Variants in RUVBL2 observed in about 807,000 individuals in gnomAD.
The protein encoded by RUVBL2 is ruvB-like 2.
RUVBL2 carries 9 observed loss-of-function variants against 57.9 expected under a neutral mutation model. That is an observed-to-expected ratio of 0.16 (90% CI 0.09 to 0.27). The LOEUF (loss-of-function observed/expected upper bound fraction) is 0.27. Among genes scored for constraint, RUVBL2 ranks in the 10% least tolerant of loss-of-function variants. The pLI, the probability that RUVBL2 is intolerant of heterozygous loss-of-function variation, is 1.00. For missense variants in RUVBL2, 456 were observed against 669.6 expected, an observed-to-expected ratio of 0.68 and a Z score of 3.52; for synonymous variants, 278 against 264.6, an observed-to-expected ratio of 1.05 and a Z score of -0.49.
chr19:48,993,933 G>C lies in RUVBL2; in HGVS notation c.12+10G>C. ...CATCATGGCAACCGTTGTAAGTGTG[G>C]GTGCATGGAGGGTGAGGAGCGAGCT... On this transcript the variant is annotated intron_variant, in intron 1 of 14. Coordinates refer to ENST00000595090, the MANE Select transcript of RUVBL2 (RefSeq NM_006666.3). 1 of 1,614,082 alleles carries C rather than the reference G, an allele frequency of 6.2e-7. No individual in the cohort carries two copies. Among genetic ancestry groups the C allele is most frequent in the Non-Finnish European group, 8.5e-7 (1 of 1,179,990 alleles).
At position 49,011,085 on chromosome 19, in the gene RUVBL2, A is replaced by G; in HGVS notation, c.874A>G (p.Ile292Val). Residue 292 changes from isoleucine (I) to valine (V), a missense_variant, in exon 10 of 15, where the codon ATC (isoleucine) becomes GTC (valine). By Grantham distance (29) the Ile-to-Val change is conservative. Around this residue, in one of 5 missense-constraint regions of RUVBL2, gnomAD observed 130 missense variants for 243.0 expected, o/e 0.53. Transcript: ENST00000595090. This position sits in a 1 kb window ranked among gnomAD's most constrained non-coding sequence, Gnocchi z 4.4. The stretch of plus-strand genomic sequence containing the variant: ...GCGCGAGGAGGGCAAGGCGGAGATC[A>G]TCCCTGGAGTGAGGACCCAGGACAT... ...EWREEGKAEI[I>V]PGVLFIDEVH... 6.2e-7 allele frequency: 1 copy of G among 1,611,012 alleles called. No homozygotes were observed. Among genetic ancestry groups the G allele is most frequent in the East Asian group, 2.2e-5 (1 of 44,712 alleles).
At position 49,011,292 on chromosome 19, in the gene RUVBL2, C is replaced by G; in HGVS notation, c.983C>G (p.Thr328Ser). The stretch of plus-strand genomic sequence containing the variant: ...ATGGCGCCTGTCCTGATCATGGCCA[C>G]CAACCGTGGCATCACGCGGTGAGCC... ...SDMAPVLIMA[T>S]NRGITRIRGT... The change falls in exon 11 of 15, where the codon ACC (threonine) becomes AGC (serine). Residue 328 changes from threonine (T) to serine (S), a missense_variant. By Grantham distance (58) the Thr-to-Ser change is moderately conservative. Coordinates refer to ENST00000595090, the MANE Select transcript of RUVBL2 (RefSeq NM_006666.3). The surrounding 1 kb of genome is among the most constrained non-coding windows in gnomAD (Gnocchi z 4.4). 6.2e-7 allele frequency: 1 copy of G among 1,613,824 alleles called. No individual in the cohort carries two copies. The highest frequency in any genetic ancestry group is 8.5e-7 in the Non-Finnish European group (1 of 1,179,974).
At chr19:49,015,750 C>A in intron 14 of RUVBL2, 64 bp downstream of exon 14, 1 of 1,611,502 alleles carries the variant, frequency 6.2e-7, no homozygotes, top group Non-Finnish European at 8.5e-7. Flanking sequence ...AGAGGGAGCT[C>A]GGCGTAGAAG....
chr19:49,003,679 G>A (rs2039227000), intron 3 of RUVBL2, among the ~76,000 whole-genome samples: 1 of 151,718 alleles, frequency 6.6e-6, no homozygotes. Context: ...AGCTACTCAA[G>A]AGCCTAAGGC....
rs1459843935 is a variant in RUVBL2 at position 49,011,048 on chromosome 19, G to A, written c.837G>A (p.Lys279=). ...AAGTCCGTGAGCAGATCAATGCCAA[G>A]GTGGCTGAGTGGCGCGAGGAGGGCA... The part of the protein sequence containing the change: ...KSEVREQINA[K]VAEWREEGKA... The change falls in exon 10 of 15, where the codon AAG becomes AAA. Residue 279 remains lysine (K), a synonymous_variant. Transcript: ENST00000595090. This position sits in a 1 kb window ranked among gnomAD's most constrained non-coding sequence, Gnocchi z 4.4. 6.2e-7 allele frequency: 1 copy of A among 1,613,520 alleles called. No individual in the cohort carries two copies. Among genetic ancestry groups the A allele is most frequent in the South Asian group, 1.1e-5 (1 of 90,788 alleles).
intron 8 of RUVBL2, chr19:49,010,286 G>C: frequency 1.5e-6 from 1 of 680,566 alleles, no homozygotes; most frequent in Admixed American, 2.8e-5. Flanking sequence ...AAGGTCCTCC[G>C]GGAGCCCCCG....
upstream of RUVBL2, chr19:48,993,564 G>T (rs773498017): frequency 8.6e-6 from 4 of 464,486 alleles, no homozygotes; most frequent in Non-Finnish European, 1.6e-5. Flanking sequence ...TCAAAGTGGG[G>T]AGGAGGAGGA....
rs375183561 is a variant in RUVBL2, at chr19:49,011,239, C to T, written c.930C>T (p.Ser310=). The T allele has an allele frequency of 1.2e-6, 2 of 1,613,948 alleles. No individual in the cohort carries two copies. The highest frequency in any genetic ancestry group is 1.7e-5 in the Admixed American group (1 of 60,016). Residue 310 remains serine (S), a synonymous_variant, in exon 11 of 15, where the codon TCC becomes TCT. Coordinates refer to ENST00000595090, the MANE Select transcript of RUVBL2 (RefSeq NM_006666.3). This position sits in a 1 kb window ranked among gnomAD's most constrained non-coding sequence, Gnocchi z 4.4. Reference sequence around the variant, plus strand: ...ACATGCTGGACATCGAGAGCTTCTCCTTCCTCAACCGGGCCCTGGAGAGTG... The same window carrying T: ...ACATGCTGGACATCGAGAGCTTCTCTTTCCTCAACCGGGCCCTGGAGAGTG... ...EVHMLDIESF[S]FLNRALESDM... is the part of the protein sequence containing the mutation.
rs115789175 is a variant in RUVBL2 at position 49,010,143 on chromosome 19, A to G, written c.663+77A>G. The stretch of plus-strand genomic sequence containing the variant: ...ATCTCCTCCATCACCCCCTTGACCC[A>G]TGGGGTCTGGATCTTCCTGTTACCC... On this transcript the variant is annotated intron_variant, in intron 8 of 14. Transcript: ENST00000595090. 2,704 of 1,311,198 alleles carry G rather than the reference A, an allele frequency of 2.1e-3. 63 individuals are homozygous for G. In the African/African-American group the frequency reaches 0.036, roughly 17 times the overall value. The allele number at this position is 1,311,198 out of a possible 1,614,324, so 81.2% of individuals were successfully genotyped here.
At chr19:49,010,189 C>G in intron 8 of RUVBL2, 123 bp downstream of exon 8, 1 of 940,892 alleles carries the variant, frequency 1.1e-6, no homozygotes, top group Non-Finnish European at 1.6e-6. Flanking sequence ...TCCTGGTACT[C>G]CTGGGTCTTC....
Position 49,011,337 on chromosome 19 carries a change from G to T in RUVBL2, c.1001+27G>T, listed in dbSNP as rs754072162. ...TGAGCCGGCTACAGGGGCCTCTGGGGAAAACAGGATGCTCTGGGCAGTGGG... is the reference window on the plus strand; with the variant it reads ...TGAGCCGGCTACAGGGGCCTCTGGGTAAAACAGGATGCTCTGGGCAGTGGG... On this transcript the variant is annotated intron_variant, in intron 11 of 14. Transcript: ENST00000595090. The surrounding 1 kb of genome is among the most constrained non-coding windows in gnomAD (Gnocchi z 4.4). The T allele has an allele frequency of 6.3e-7, 1 of 1,578,398 alleles. No individual in the cohort carries two copies. Among genetic ancestry groups the T allele is most frequent in the Admixed American group, 1.7e-5 (1 of 59,970 alleles).
intron 2 of RUVBL2, chr19:49,001,224 C>T (rs2039173982): frequency 6.6e-6 from 1 of 150,406 alleles, no homozygotes; most frequent in Non-Finnish European, 1.5e-5. Context: ...TGCAGTGGCG[C>T]AATCTCGGCT....
rs2039515936 is a variant in RUVBL2 at position 49,015,009 on chromosome 19, C to T, written c.1122-12C>T. 4 of 1,589,368 alleles carry T rather than the reference C, an allele frequency of 2.5e-6. No individual in the cohort carries two copies. Among genetic ancestry groups the T allele is most frequent in the Admixed American group, 1.8e-5 (1 of 56,802 alleles). ...CCCCGGCTGAGCCACCCCTGTCCCC[C>T]ACTGCTTGCAGGTGCGAGGAAGAAG... On this transcript the variant is annotated splice_polypyrimidine_tract_variant and intron_variant, in intron 12 of 14. Transcript: ENST00000595090.
chr19:49,013,691 G>A (rs2039481418), intron 11 of RUVBL2, among the ~76,000 whole-genome samples: 1 of 152,192 alleles, frequency 6.6e-6, no homozygotes, highest in South Asian at 2.1e-4. Flanking sequence ...GAGGTGGGTG[G>A]ATCACGAGGT....
At position 49,007,124 on chromosome 19, in the gene RUVBL2, G is replaced by T. The variant is rs1270761210; in HGVS notation, c.372G>T (p.Arg124=). 6.2e-7 allele frequency: 1 copy of T among 1,613,326 alleles called. No homozygotes were observed. The highest frequency in any genetic ancestry group is 1.7e-5 in the Admixed American group (1 of 60,038). ...SKTEALTQAF[R]RSIGVRIKEE... is the part of the protein sequence containing the mutation. ...CCGAGGCGCTGACGCAGGCCTTCCG[G>T]CGGTCCATCGGCGTTCGCATCAAGT... Residue 124 remains arginine, a synonymous_variant, in exon 5 of 15, where the codon CGG becomes CGT. Transcript: ENST00000595090.
intron 6 of RUVBL2, among the ~76,000 whole-genome samples, chr19:49,008,479 C>T (rs181408618): frequency 0.09 from 13,505 of 149,584 alleles, 642 homozygotes; most frequent in African/African-American, 0.11. Flanking sequence ...CTGCCCGCCT[C>T]GGCCTCCCAA....
chr19:48,996,104 G>A (rs1331345077), intron 1 of RUVBL2, among the ~76,000 whole-genome samples: 1 of 151,646 alleles, frequency 6.6e-6, no homozygotes, highest in Non-Finnish European at 1.5e-5. Flanking sequence ...CCTGGGAGGT[G>A]GAGGCCACAG....
rs527337325 is a variant in RUVBL2, at chr19:48,998,887, G to A, written c.13-432G>A. 1.3e-5 allele frequency among the ~76,000 whole-genome samples: 2 copies of A among 151,346 alleles called. 1 individual carries two copies. Among genetic ancestry groups the A allele is most frequent in the Admixed American group, 1.3e-4 (2 of 15,156 alleles). On this transcript the variant is annotated intron_variant, in intron 1 of 14. Coordinates refer to ENST00000595090, the MANE Select transcript of RUVBL2 (RefSeq NM_006666.3). ...TACTAAAAATACAAAAATTAGCCGG[G>A]TGTGTTGATGCGCGCCTGTAATCCC...
Position 49,010,622 on chromosome 19 carries a change from T to TCCTGCCCTGCCCTGCCCTGC in RUVBL2, c.787+19_787+38dup, listed in dbSNP as rs367698302. ...TGGCGCTCTTCTCAGGTGAGGCCCC[T>TCCTGCCCTGCCCTGCCCTGC]CCTGCCCTGCCCTGCCCTGCCCTGC... On this transcript the variant is annotated intron_variant, in intron 9 of 14. Coordinates refer to ENST00000595090, the MANE Select transcript of RUVBL2 (RefSeq NM_006666.3). The TCCTGCCCTGCCCTGCCCTGC allele has an allele frequency of 4.3e-6, 7 of 1,613,158 alleles. No homozygotes were observed. In the East Asian group the frequency reaches 6.7e-5, roughly 15 times the overall value.
Sources: gnomAD v4.1 joint callset for allele counts (sites outside exome capture counted in the v4.1 genomes callset) on GRCh38, gnomAD v4.1.1 for gene constraint, gnomAD v4.1.1 regional missense constraint, Gnocchi (gnomAD v3.1) non-coding constraint, MANE v1.5 for transcripts, NCBI Gene and HGNC (gene_info 2026-07-23, HGNC 2026-07-21) for gene names.